DCTN1: variants seen among roughly 807,000 people sequenced by gnomAD.
DCTN1 encodes the protein dynactin subunit 1.
In DCTN1, 61 loss-of-function variants were observed where a neutral mutation model predicts 161.2. The observed-to-expected ratio is 0.38, with a 90% confidence interval of 0.31 to 0.47. DCTN1 has a LOEUF of 0.47. DCTN1 is among the 20% of genes least tolerant of loss of function. The pLI is 0.99. For synonymous variants in DCTN1, 653 were observed against 632.4 expected, an observed-to-expected ratio of 1.03 and a Z score of -0.49; for missense variants, 1,404 against 1,623.7, an observed-to-expected ratio of 0.86 and a Z score of 2.33.
chr2:74,381,326 G>A (rs1640529169), upstream of DCTN1, among the ~76,000 whole-genome samples: 1 of 152,166 alleles, frequency 6.6e-6, no homozygotes, highest in African/African-American at 2.4e-5. Flanking sequence ...AGGGACGCCT[G>A]TCTTTTCTGC....
rs149365887 is a variant in DCTN1, at chr2:74,390,382, T to C, written c.-19+1412A>G. On this transcript the variant is annotated intron_variant, in intron 1 of 27. Transcript: ENST00000409240. ...TCAGCAACATGAAGAACTTCCTTCT[T>C]GAGCTATTCCAAGAATAAAATGGGA... Among the ~76,000 whole-genome samples the C allele has an allele frequency of 3.9e-4, 60 of 152,338 alleles. 1 individual carries two copies. The East Asian group carries it at 0.011, about 28-fold the overall frequency.
chr2:74,382,404 A>T (rs1226907440), upstream of DCTN1, among the ~76,000 whole-genome samples: 1 of 152,002 alleles, frequency 6.6e-6, no homozygotes, highest in Non-Finnish European at 1.5e-5. Context: ...GTTCAAGACC[A>T]GCCTGGCTGA....
intron 6 of DCTN1, 94 bp from the exon 7 acceptor site, chr2:74,373,042 A>G: frequency 1.7e-6 from 2 of 1,193,824 alleles, no homozygotes; most frequent in Non-Finnish European, 2.5e-6. Context: ...ATGAGAGCAG[A>G]AGAAATAACA....
intron 1 of DCTN1, 78 bp downstream of exon 1, chr2:74,379,927 C>T: frequency 6.9e-7 from 1 of 1,454,948 alleles, no homozygotes; most frequent in Non-Finnish European, 9.6e-7. Flanking sequence ...CTCCCCAGCC[C>T]CCACAGCAAT....
At chr2:74,380,617 T>C (rs1020556396), upstream of DCTN1, 8 of 469,986 alleles carry the variant, frequency 1.7e-5, 1 homozygote, top group South Asian at 9.3e-5. Context: ...GGGTCTCTCA[T>C]CTACCTTTCT....
At chr2:74,380,371 C>G (rs957898071), upstream of DCTN1, 45 of 513,620 alleles carry the variant, frequency 8.8e-5, no homozygotes, top group Admixed American at 1.5e-4. Flanking sequence ...CTAGTGCCCC[C>G]CTGCTTCACG....
rs1674479111 is a variant in DCTN1, at chr2:74,367,127, C to A, written c.2254-20G>T. The A allele has an allele frequency of 6.2e-7, 1 of 1,613,936 alleles. No homozygotes were observed. The highest frequency in any genetic ancestry group is 8.5e-7 in the Non-Finnish European group (1 of 1,179,946). ...CGTGAACTGTGAGGATAGAAGCATGCAATCATCAGCCCCCAGCAGGAGCCC... is the reference window on the plus strand; with the variant it reads ...CGTGAACTGTGAGGATAGAAGCATGAAATCATCAGCCCCCAGCAGGAGCCC... On this transcript the variant is annotated intron_variant, in intron 19 of 31. Coordinates refer to ENST00000628224, the MANE Select transcript of DCTN1 (RefSeq NM_004082.5).
At chr2:74,371,341 T>A in intron 8 of DCTN1, 165 bp from the exon 9 acceptor site, 1 of 1,483,502 alleles carries the variant, frequency 6.7e-7, no homozygotes, top group South Asian at 1.2e-5. Context: ...GCACAGTATA[T>A]ATGGGGAAAG....
chr2:74,383,703 G>C (rs1397071702), upstream of DCTN1: 2 of 152,210 alleles, frequency 1.3e-5, no homozygotes, highest in East Asian at 3.8e-4. Flanking sequence ...TCAAACATGA[G>C]GAAAGAGGCA....
Position 74,364,966 on chromosome 2 carries a change from G to C in DCTN1, c.3196+109C>G, listed in dbSNP as rs146523016. On this transcript the variant is annotated intron_variant, in intron 26 of 31. Transcript: ENST00000628224. Reference sequence around the variant, plus strand: ...AGTGAAACTGTGTAAGCATGTTCCTGGCTGAATACCCGGGGGTAAGGGGGG... The same window carrying C: ...AGTGAAACTGTGTAAGCATGTTCCTCGCTGAATACCCGGGGGTAAGGGGGG... The C allele has an allele frequency of 5.1e-5, 70 of 1,380,860 alleles. No individual in the cohort carries two copies. The African/African-American group carries it at 8.7e-4, about 17-fold the overall frequency. The allele number at this position is 1,380,860 out of a possible 1,614,324, so 85.5% of individuals were successfully genotyped here. A position where few individuals can be genotyped will look rare whatever the true frequency, so the allele number is the denominator to read the frequency against.
At chr2:74,371,843 CAGAA>C (rs556375774) in intron 7 of DCTN1, 115 bp from the exon 8 acceptor site, 186 of 848,084 alleles carry the variant, frequency 2.2e-4, no homozygotes, top group Non-Finnish European at 3.1e-4. Context: ...AGGGAAAAAG[CAGAA>C]AGAGAGTATC....
At chr2:74,385,453 G>C (rs1311164196) in intron 1 of DCTN1, 1 of 152,210 alleles carries the variant, frequency 6.6e-6, no homozygotes, top group South Asian at 2.1e-4. Context: ...GGACCCTGTA[G>C]ACAGGGAACC....
intron 6 of DCTN1, 89 bp downstream of exon 6, chr2:74,374,234 A>C: frequency 2.9e-5 from 33 of 1,156,664 alleles, no homozygotes; most frequent in Middle Eastern, 2.0e-4. Flanking sequence ...TAGACAGATG[A>C]AGTCAATCAG....
rs201592072 is a variant in DCTN1 at position 74,366,884 on chromosome 2, T to C, written c.2365A>G (p.Thr789Ala). The C allele has an allele frequency of 1.2e-6, 2 of 1,614,126 alleles. No individual in the cohort carries two copies. Among genetic ancestry groups the C allele is most frequent in the South Asian group, 2.2e-5 (2 of 91,078 alleles). ...AACTGGCGGATGTCACTGCATGAAGTTTCCAGATCCCGGAGCAGGAGGGCA... is the reference window on the plus strand; with the variant it reads ...AACTGGCGGATGTCACTGCATGAAGCTTCCAGATCCCGGAGCAGGAGGGCA... ...DIALLLRDLETSCSDIRQFCK... is the reference protein window; with the variant it reads ...DIALLLRDLEASCSDIRQFCK... The change falls in exon 21 of 32, where the codon ACT (threonine) becomes GCT (alanine). Residue 789 changes from threonine to alanine, a missense_variant. Transcript: ENST00000628224.
At chr2:74,362,944 C>T in intron 29 of DCTN1, 50 bp downstream of exon 29, 2 of 1,592,916 alleles carry the variant, frequency 1.3e-6, no homozygotes, top group East Asian at 2.2e-5. Flanking sequence ...AATCCCTGGG[C>T]CAAGTGGAGG....
Position 74,369,331 on chromosome 2 carries a change from T to C in DCTN1, c.1553A>G (p.Lys518Arg), listed in dbSNP as rs754152413. ...ETVADYQQTI[K>R]KYRQLTAHLQ... ...ATGGGCGGTCAGCTGGCGGTACTTC[T>C]TGATGGTCTGCTGGTAGTCTGCAAC... The change falls in exon 14 of 32, where the codon AAG (lysine) becomes AGG (arginine). Residue 518 changes from lysine (K) to arginine (R), a missense_variant. This residue lies in a region of DCTN1 where 278 missense variants were observed against 363.8 expected (regional missense o/e 0.76). Coordinates refer to ENST00000628224, the MANE Select transcript of DCTN1 (RefSeq NM_004082.5). This position sits in a 1 kb window ranked among gnomAD's most constrained non-coding sequence, Gnocchi z 4.9. 2.5e-6 allele frequency: 4 copies of C among 1,614,216 alleles called. No individual in the cohort carries two copies. The highest frequency in any genetic ancestry group is 2.2e-5 in the East Asian group (1 of 44,878).
In DCTN1 at chr2:74,369,283, A is replaced by G. The variant is rs1442719505; in HGVS notation, c.1584+17T>C. ...CCTGGGGTGATGGTGGGCAGAGAGCAAACAGTGGGCATGTACCTGTAGATG... is the reference window on the plus strand; with the variant it reads ...CCTGGGGTGATGGTGGGCAGAGAGCGAACAGTGGGCATGTACCTGTAGATG... On this transcript the variant is annotated intron_variant, in intron 14 of 31. Coordinates refer to ENST00000628224, the MANE Select transcript of DCTN1 (RefSeq NM_004082.5). The surrounding 1 kb of genome is among the most constrained non-coding windows in gnomAD (Gnocchi z 4.9). 1.2e-6 allele frequency: 2 copies of G among 1,614,098 alleles called. No homozygotes were observed. The highest frequency in any genetic ancestry group is 2.7e-5 in the African/African-American group (2 of 74,930).
intron 5 of DCTN1, 32 bp downstream of exon 5, chr2:74,376,710 A>T (rs764673059): frequency 6.3e-7 from 1 of 1,593,452 alleles, no homozygotes; most frequent in South Asian, 1.1e-5. Context: ...CATGGCCCCC[A>T]TCCACCCAGG....
rs747099902 is a variant in DCTN1 at position 74,366,242 on chromosome 2, A to G, written c.2760+2T>C. On this transcript the variant is annotated splice_donor_variant, in intron 23 of 31. Transcript: ENST00000628224. LOFTEE classifies it high-confidence loss of function. ...AACTTCTCCAAGGAAATCTCCACCTACCTTGCTGGGGGGCCGCTCTGCATC... is the reference window on the plus strand; with the variant it reads ...AACTTCTCCAAGGAAATCTCCACCTGCCTTGCTGGGGGGCCGCTCTGCATC... The G allele has an allele frequency of 2.5e-6, 4 of 1,613,918 alleles. No individual in the cohort carries two copies. The highest frequency in any genetic ancestry group is 2.2e-5 in the South Asian group (2 of 91,070).
Sources: allele counts gnomAD v4.1 joint callset (sites outside exome capture counted in the v4.1 genomes callset), GRCh38; gene constraint gnomAD v4.1.1; regional missense constraint gnomAD v4.1.1; non-coding constraint Gnocchi (gnomAD v3.1); transcripts MANE v1.5; gene names NCBI Gene and HGNC (gene_info 2026-07-23, HGNC 2026-07-21).